The following LMCD1 variants were observed in gnomAD, a reference collection of about 807,000 sequenced individuals.
The protein encoded by LMCD1 is LIM and cysteine-rich domains protein 1.
In LMCD1, 32 loss-of-function variants were observed where a neutral mutation model predicts 42.7. That is an observed-to-expected ratio of 0.75 (90% CI 0.57 to 1.01). The LOEUF is 1.01. Ranked by LOEUF, LMCD1 falls within the 50% of genes least tolerant of loss-of-function variation. The pLI, the probability that LMCD1 is intolerant of heterozygous loss-of-function variation, is 0.00. For synonymous variants in LMCD1, 178 were observed against 184.9 expected (o/e 0.96, Z 0.30); for missense variants, 458 against 483.1 (o/e 0.95, Z 0.49).
chr3:8,502,305 A>AAATATATAATGTATAT (rs1559342054), intron 1 of LMCD1, among the ~76,000 whole-genome samples: 2 of 21,752 alleles, frequency 9.2e-5, no homozygotes, highest in African/African-American at 3.7e-4. Flanking sequence ...ATTATATATA[A>AAATATATAATGTATAT]TATATAAAAT....
chr3:8,521,235 C>T (rs556609563), intron 1 of LMCD1, among the ~76,000 whole-genome samples: 6 of 152,162 alleles, frequency 3.9e-5, no homozygotes, highest in African/African-American at 7.2e-5. Flanking sequence ...TCTTCGTGTT[C>T]GCCCTGCCAA....
intron 1 of LMCD1, among the ~76,000 whole-genome samples, chr3:8,531,749 T>C (rs1239549164): frequency 2.0e-5 from 3 of 152,194 alleles, no homozygotes; most frequent in African/African-American, 7.2e-5. Flanking sequence ...AGTCTTATGT[T>C]GTATTCCTGT....
chr3:8,566,399 T>A (rs1467289826), intron 5 of LMCD1, among the ~76,000 whole-genome samples: 2 of 152,222 alleles, frequency 1.3e-5, no homozygotes, highest in East Asian at 3.8e-4. Context: ...CTTCTTTATA[T>A]TGAACCAACA....
intron 1 of LMCD1, among the ~76,000 whole-genome samples, chr3:8,505,633 G>A (rs1258998441): frequency 6.6e-6 from 1 of 152,258 alleles, no homozygotes; most frequent in Non-Finnish European, 1.5e-5. Flanking sequence ...TGGCTCCAGA[G>A]GGATCCAATT....
At chr3:8,546,539 G>A (rs1414334099) in intron 3 of LMCD1, among the ~76,000 whole-genome samples, 1 of 152,210 alleles carries the variant, frequency 6.6e-6, no homozygotes, top group East Asian at 1.9e-4. Context: ...CTACAACCAG[G>A]ATTTCAGTTC....
chr3:8,537,303 C>T lies in LMCD1; in HGVS notation c.250C>T (p.Arg84Trp), dbSNP rs761332410. Residue 84 changes from arginine (R) to tryptophan (W), a missense_variant, in exon 3 of 6, where the codon CGG becomes TGG. Arg to Trp is a moderately radical substitution (Grantham distance 101). Coordinates refer to ENST00000157600, the MANE Select transcript of LMCD1 (RefSeq NM_014583.4). Reference protein sequence around the residue: ...MDSKYSTLTARVKGGDGIRIY... With the variant: ...MDSKYSTLTAWVKGGDGIRIY... ...CTCCAAGTATTCCACCCTCACTGCT[C>T]GGGTGAAAGGCGGGGACGGCATCCG... The T allele has an allele frequency of 1.7e-5, 27 of 1,613,958 alleles. No individual in the cohort carries two copies. Among genetic ancestry groups the T allele is most frequent in the East Asian group, 2.2e-5 (1 of 44,880 alleles).
Position 8,548,851 on chromosome 3 carries a change from C to T in LMCD1, c.671C>T (p.Thr224Ile). 6.3e-7 allele frequency: 1 copy of T among 1,575,512 alleles called. No individual in the cohort carries two copies. The highest frequency in any genetic ancestry group is 8.6e-7 in the Non-Finnish European group (1 of 1,156,334). ...GAAAAGCCAGAGGGGGCAGAGACCA[C>T]TGCTGCTACCACCAACGGCAGTCTC... Reference protein sequence around the residue: ...QQEKPEGAETTAATTNGSLSD... With the variant: ...QQEKPEGAETIAATTNGSLSD... The change falls in exon 4 of 6, where the codon ACT (threonine) becomes ATT (isoleucine). Residue 224 changes from threonine (T) to isoleucine (I), a missense_variant. Physicochemically the swap from Thr to Ile is moderately conservative, Grantham distance 89. Coordinates refer to ENST00000157600, the MANE Select transcript of LMCD1 (RefSeq NM_014583.4).
intron 1 of LMCD1, among the ~76,000 whole-genome samples, chr3:8,503,045 G>C (rs773886670): frequency 2.5e-4 from 38 of 152,244 alleles, no homozygotes; most frequent in Non-Finnish European, 4.9e-4. Context: ...TCTGATGTGG[G>C]GAGGATAGGC....
At chr3:8,546,514 A>G (rs1277188883) in intron 3 of LMCD1, among the ~76,000 whole-genome samples, 3 of 152,174 alleles carry the variant, frequency 2.0e-5, no homozygotes, top group African/African-American at 7.2e-5. Context: ...GGCCACAGTC[A>G]CACCGCCGGC....
rs57776112 is a variant in LMCD1 at position 8,569,980 on chromosome 3, C to CAAAA, written c.*2394_*2397dup. 4.4e-3 allele frequency: 615 copies of CAAAA among 138,536 alleles called. 11 individuals are homozygous for CAAAA. The highest frequency in any genetic ancestry group is 0.021 in the East Asian group (101 of 4,772). 8.6% of individuals were successfully genotyped at this position (138,536 alleles called of 1,614,324 possible). On this transcript the variant is annotated 3_prime_UTR_variant, in exon 6 of 6. Coordinates refer to ENST00000157600, the MANE Select transcript of LMCD1 (RefSeq NM_014583.4). The stretch of plus-strand genomic sequence containing the variant: ...GGGTGACAGAGTGAGACCCTGTTTC[C>CAAAA]AAAAAAAAAAAAAAAGGATAGGTTG...
intron 4 of LMCD1, among the ~76,000 whole-genome samples, chr3:8,554,009 AG>A (rs1188600145): frequency 6.6e-6 from 1 of 152,172 alleles, no homozygotes; most frequent in African/African-American, 2.4e-5. Flanking sequence ...GGAAACTGTG[AG>A]GCTGCAGCAG....
At position 8,563,783 on chromosome 3, in the gene LMCD1, A is replaced by G. The variant is rs951470553; in HGVS notation, c.724-1649A>G. 2.6e-5 allele frequency among the ~76,000 whole-genome samples: 4 copies of G among 152,220 alleles called. No individual in the cohort carries two copies. The East Asian group carries it at 7.7e-4, about 29-fold the overall frequency. On this transcript the variant is annotated intron_variant, in intron 4 of 5. Transcript: ENST00000157600. ...GAATCTGACAAACACTGCCTCCACC[A>G]GAAGGTCAAAGTCAACCGCAACAGT...
chr3:8,549,621 C>G (rs1227410076), intron 4 of LMCD1, among the ~76,000 whole-genome samples: 11 of 152,212 alleles, frequency 7.2e-5, no homozygotes, highest in Admixed American at 6.5e-5. Flanking sequence ...GCTGTGCTTA[C>G]AAAAGTTTCC....
intron 1 of LMCD1, among the ~76,000 whole-genome samples, chr3:8,516,367 A>C (rs1267236507): frequency 6.6e-6 from 1 of 152,136 alleles, no homozygotes; most frequent in Admixed American, 6.5e-5. Flanking sequence ...ATCTACTTTA[A>C]GTTTCTAGTC....
At chr3:8,524,186 T>G (rs1694254612) in intron 1 of LMCD1, among the ~76,000 whole-genome samples, 1 of 108,178 alleles carries the variant, frequency 9.2e-6, no homozygotes, top group Non-Finnish European at 1.9e-5. Context: ...CCCAGAAAAA[T>G]CATACTTCTT....
rs566446915 is a variant in LMCD1, at chr3:8,522,839, C to A, written c.43-9898C>A. Among the ~76,000 whole-genome samples the A allele has an allele frequency of 2.0e-5, 3 of 152,116 alleles. No homozygotes were observed. In the South Asian group the frequency reaches 6.2e-4, roughly 32 times the overall value. On this transcript the variant is annotated intron_variant, in intron 1 of 5. Coordinates refer to ENST00000157600, the MANE Select transcript of LMCD1 (RefSeq NM_014583.4). ...AAATTAAAAATTAAAGGGAATATATCATTTGTCATAGAGAGTAAAAACTAT... is the reference window on the plus strand; with the variant it reads ...AAATTAAAAATTAAAGGGAATATATAATTTGTCATAGAGAGTAAAAACTAT...
At chr3:8,536,692 A>T (rs1004411962) in intron 2 of LMCD1, among the ~76,000 whole-genome samples, 1 of 152,226 alleles carries the variant, frequency 6.6e-6, no homozygotes, top group Non-Finnish European at 1.5e-5. Context: ...CAGAAAGTAC[A>T]TATTTTAGGC....
chr3:8,548,926 GC>G, intron 4 of LMCD1, 23 bp downstream of exon 4: 1 of 1,477,822 alleles, frequency 6.8e-7, no homozygotes, highest in Non-Finnish European at 9.0e-7. Context: ...CATGCTTCCA[GC>G]CAGGCTGAAA....
At chr3:8,544,581 T>C (rs1426606620) in intron 3 of LMCD1, among the ~76,000 whole-genome samples, 1 of 152,128 alleles carries the variant, frequency 6.6e-6, no homozygotes, top group African/African-American at 2.4e-5. Context: ...ATTTATTTAC[T>C]ATGAATCCCA....
Sources: allele counts gnomAD v4.1 joint callset (sites outside exome capture counted in the v4.1 genomes callset), GRCh38; gene constraint gnomAD v4.1.1; transcripts MANE v1.5; gene names NCBI Gene and HGNC (gene_info 2026-07-23, HGNC 2026-07-21).